TP53BP2: variants seen among roughly 807,000 people sequenced by gnomAD.
TP53BP2 encodes apoptosis-stimulating of p53 protein 2.
TP53BP2 carries 62 observed loss-of-function variants against 126.2 expected under a neutral mutation model. That is an observed-to-expected ratio of 0.49 (90% CI 0.40 to 0.61). TP53BP2 has a LOEUF of 0.61. TP53BP2 is among the 20% of genes least tolerant of loss of function. TP53BP2 has a pLI of 0.00. For missense variants in TP53BP2, 1,215 were observed against 1,402.8 expected, an observed-to-expected ratio of 0.87 and a Z score of 2.14; for synonymous variants, 485 against 502.9, an observed-to-expected ratio of 0.96 and a Z score of 0.48.
chr1:223,795,180 C>T (rs1277157250), intron 13 of TP53BP2, among the ~76,000 whole-genome samples: 1 of 152,108 alleles, frequency 6.6e-6, no homozygotes, highest in African/African-American at 2.4e-5. Context: ...CCAAAACATA[C>T]AAAATCTTAG....
chr1:223,802,244 G>T lies in TP53BP2; in HGVS notation c.1097C>A (p.Pro366His). 4 of 1,614,178 alleles carry T rather than the reference G, an allele frequency of 2.5e-6. No homozygotes were observed. The highest frequency in any genetic ancestry group is 3.4e-6 in the Non-Finnish European group (4 of 1,180,032). The stretch of plus-strand genomic sequence containing the variant: ...CTTCACCAGCAATTCAGGCCTTGAG[G>T]GCATCCGAGGCATAGTAGACGACTG... ...YIQSSTMPRMPSRPELLVKPA... is the reference protein window; with the variant it reads ...YIQSSTMPRMHSRPELLVKPA... The change falls in exon 9 of 18, where the codon CCC becomes CAC. Residue 366 changes from proline (P) to histidine (H), a missense_variant. By Grantham distance (77) the Pro-to-His change is moderately conservative (BLOSUM62 -2). Coordinates refer to ENST00000343537, the MANE Select transcript of TP53BP2 (RefSeq NM_001031685.3).
intron 2 of TP53BP2, among the ~76,000 whole-genome samples, chr1:223,817,573 T>C (rs575625687): frequency 7.9e-5 from 12 of 152,188 alleles, no homozygotes; most frequent in Non-Finnish European, 1.6e-4. Flanking sequence ...TTTATTTAAA[T>C]ATTTGTAAAT....
intron 4 of TP53BP2, among the ~76,000 whole-genome samples, chr1:223,808,598 T>C (rs1018774050): frequency 6.8e-6 from 1 of 146,102 alleles, no homozygotes; most frequent in Non-Finnish European, 1.5e-5. Flanking sequence ...ATTAACTCAA[T>C]AGGGATCATA....
chr1:223,821,844 T>C (rs1469147371), intron 1 of TP53BP2, among the ~76,000 whole-genome samples: 1 of 152,084 alleles, frequency 6.6e-6, no homozygotes, highest in Non-Finnish European at 1.5e-5. Context: ...CAGCTCTGTA[T>C]AAACCTAATC....
chr1:223,785,900 G>A (rs527314256), intron 16 of TP53BP2, among the ~76,000 whole-genome samples: 7 of 152,190 alleles, frequency 4.6e-5, no homozygotes, highest in East Asian at 1.9e-4. Flanking sequence ...CCCTCTGCTA[G>A]ATGTGTATCA....
rs1662323849 is a variant in TP53BP2, at chr1:223,796,414, G to A, written c.2125C>T (p.Leu709=). 6.2e-7 allele frequency: 1 copy of A among 1,614,082 alleles called. No homozygotes were observed. The highest frequency in any genetic ancestry group is 1.3e-5 in the African/African-American group (1 of 74,922). The change falls in exon 13 of 18, where the codon CTG becomes TTG. Residue 709 remains leucine, a synonymous_variant. Coordinates refer to ENST00000343537, the MANE Select transcript of TP53BP2 (RefSeq NM_001031685.3). This position sits in a 1 kb window ranked among gnomAD's most constrained non-coding sequence, Gnocchi z 4.2. ...IPRPLSPTKL[L]PFLSNPYRNQ... ...CGGTAAGGATTAGATAAGAAAGGCA[G>A]TAATTTAGTTGGGCTGAGTGGCCGA...
chr1:223,793,402 A>T lies in TP53BP2; in HGVS notation c.2763T>A (p.Arg921=). The part of the protein sequence containing the change: ...RTNLRKTGSE[R]IAHGMRVKFN... ...ATTTCACCCTCATTCCATGAGCGAT[A>T]CGCTCTGAGCCAGTTTTACGCAAGT... Residue 921 remains arginine (R), a synonymous_variant, in exon 14 of 18, where the codon CGT becomes CGA. Transcript: ENST00000343537. 6.2e-7 allele frequency: 1 copy of T among 1,606,106 alleles called. No homozygotes were observed.
intron 4 of TP53BP2, among the ~76,000 whole-genome samples, chr1:223,808,167 T>C (rs1373814461): frequency 6.6e-6 from 1 of 151,732 alleles, no homozygotes; most frequent in Non-Finnish European, 1.5e-5. Flanking sequence ...AGCAACTGAG[T>C]GGAAAAAAGA....
At chr1:223,801,909 A>G in intron 9 of TP53BP2, 1 of 424,130 alleles carries the variant, frequency 2.4e-6, no homozygotes, top group Non-Finnish European at 4.2e-6. Context: ...ATAGAATTGT[A>G]TTATTTAGGG....
intron 3 of TP53BP2, among the ~76,000 whole-genome samples, chr1:223,812,169 AG>A (rs1662929168): frequency 6.6e-6 from 1 of 152,122 alleles, no homozygotes; most frequent in Non-Finnish European, 1.5e-5. Flanking sequence ...AGCTTGGCTG[AG>A]GTGATTCAGG....
chr1:223,801,767 A>C (rs1188335443), intron 9 of TP53BP2, among the ~76,000 whole-genome samples: 1 of 152,224 alleles, frequency 6.6e-6, no homozygotes, highest in African/African-American at 2.4e-5. Context: ...ATGACACCAC[A>C]AACACATATG....
At chr1:223,823,296 A>C (rs1173721376) in intron 1 of TP53BP2, among the ~76,000 whole-genome samples, 1 of 152,182 alleles carries the variant, frequency 6.6e-6, no homozygotes, top group Non-Finnish European at 1.5e-5. Context: ...AGGGATGATG[A>C]TGGAAACTGG....
intron 1 of TP53BP2, among the ~76,000 whole-genome samples, chr1:223,844,569 C>T (rs143034804): frequency 1.4e-4 from 22 of 152,268 alleles, no homozygotes; most frequent in South Asian, 1.2e-3. Context: ...ATGCATAATG[C>T]TATTAATACT....
At chr1:223,827,909 C>A (rs74643648) in intron 1 of TP53BP2, among the ~76,000 whole-genome samples, 1 of 152,158 alleles carries the variant, frequency 6.6e-6, no homozygotes, top group African/African-American at 2.4e-5. Context: ...ATCCTTTTAT[C>A]TTTGTTTTAC....
chr1:223,799,716 C>T (rs1351022997), intron 11 of TP53BP2, among the ~76,000 whole-genome samples, 183 bp downstream of exon 11: 4 of 152,124 alleles, frequency 2.6e-5, no homozygotes, highest in Admixed American at 6.5e-5. Flanking sequence ...ATTCTCCCAC[C>T]GGGTGTGAGA....
intron 1 of TP53BP2, among the ~76,000 whole-genome samples, chr1:223,835,514 T>C (rs1663891858): frequency 1.3e-5 from 2 of 152,236 alleles, no homozygotes; most frequent in African/African-American, 4.8e-5. Context: ...AAAGGTACTG[T>C]TACAGATTTC....
At chr1:223,836,555 T>A (rs1054672395) in intron 1 of TP53BP2, among the ~76,000 whole-genome samples, 2 of 151,962 alleles carry the variant, frequency 1.3e-5, no homozygotes, top group East Asian at 3.9e-4. Flanking sequence ...CACTAAAGAG[T>A]TTATATATTT....
intron 3 of TP53BP2, among the ~76,000 whole-genome samples, chr1:223,813,782 A>T (rs1662993382): frequency 1.3e-5 from 2 of 151,886 alleles, no homozygotes; most frequent in African/African-American, 4.8e-5. Context: ...CTAATCTCCA[A>T]AACAGCTCCA....
At chr1:223,814,392 A>G (rs572023667) in intron 2 of TP53BP2, 39 bp from the exon 3 acceptor site, 2 of 1,384,144 alleles carry the variant, frequency 1.4e-6, no homozygotes, top group African/African-American at 1.4e-5. Context: ...TTTTCAGGTA[A>G]AAGAAAGATA....
Sources: gnomAD v4.1 joint callset for allele counts (sites outside exome capture counted in the v4.1 genomes callset) on GRCh38, gnomAD v4.1.1 for gene constraint, Gnocchi (gnomAD v3.1) non-coding constraint, MANE v1.5 for transcripts, NCBI Gene and HGNC (gene_info 2026-07-23, HGNC 2026-07-21) for gene names.